Variants in UBR3 observed in about 807,000 individuals in gnomAD.
UBR3 encodes the protein ubiquitin protein ligase E3 component n-recognin 3.
A neutral mutation model predicts 243.2 loss-of-function variants in UBR3; 85 were observed. That is an observed-to-expected ratio of 0.35 (90% confidence interval 0.29 to 0.42). UBR3 has a LOEUF of 0.42. Among genes scored for constraint, UBR3 ranks in the 10% least tolerant of loss-of-function variants. UBR3 has a pLI of 1.00. For missense variants in UBR3, 1,686 were observed against 2,300.8 expected, an observed-to-expected ratio of 0.73 and a Z score of 5.47; for synonymous variants, 748 against 799.8, an observed-to-expected ratio of 0.94 and a Z score of 1.09.
intron 19 of UBR3, 34 bp from the exon 20 acceptor site, chr2:169,942,459 A>G (rs1162990730): frequency 4.0e-6 from 6 of 1,516,774 alleles, no homozygotes; most frequent in Admixed American, 2.3e-5. Flanking sequence ...TTTTGAGGCT[A>G]TCATCTAATT....
intron 25 of UBR3, among the ~76,000 whole-genome samples, chr2:169,990,153 T>A (rs544014755): frequency 2.0e-5 from 3 of 152,306 alleles, no homozygotes; most frequent in Admixed American, 6.5e-5. Context: ...AAGAAAAGTC[T>A]CATGCTTTTA....
At chr2:169,868,812 A>C (rs1228323803) in intron 1 of UBR3, among the ~76,000 whole-genome samples, 1 of 152,214 alleles carries the variant, frequency 6.6e-6, no homozygotes, top group Non-Finnish European at 1.5e-5. Context: ...TTTTTGAAAG[A>C]CTAAAATATG....
chr2:169,950,214 C>T (rs1193249754), intron 23 of UBR3, 149 bp downstream of exon 23: 1 of 747,110 alleles, frequency 1.3e-6, no homozygotes, highest in African/African-American at 1.8e-5. Flanking sequence ...GGAGCATAGT[C>T]AGTGCTTGTA....
At chr2:170,012,491 A>G (rs1276661691) in intron 29 of UBR3, among the ~76,000 whole-genome samples, 2 of 152,182 alleles carry the variant, frequency 1.3e-5, no homozygotes, top group African/African-American at 4.8e-5. Context: ...ATAACAGAAT[A>G]TAATTTGTTT....
At chr2:169,957,293 T>C (rs2087345944) in intron 23 of UBR3, among the ~76,000 whole-genome samples, 1 of 151,738 alleles carries the variant, frequency 6.6e-6, no homozygotes, top group African/African-American at 2.4e-5. Flanking sequence ...TGGCAACCAG[T>C]TGCAATTAAA....
chr2:170,032,580 CTTTTTTTTTTTT>C (rs6147023), intron 31 of UBR3, among the ~76,000 whole-genome samples: 1 of 20,438 alleles, frequency 4.9e-5, no homozygotes, highest in Non-Finnish European at 8.4e-5. Context: ...ATGACATTCA[CTTTTTTTTTTTT>C]TTTTTTTTTT....
At chr2:169,855,759 A>G (rs569043398) in intron 1 of UBR3, among the ~76,000 whole-genome samples, 1 of 152,198 alleles carries the variant, frequency 6.6e-6, no homozygotes, top group Non-Finnish European at 1.5e-5. Flanking sequence ...TTCCACACAG[A>G]CACAGTAACA....
rs139826823 is a variant in UBR3, at chr2:169,952,945, G to A, written c.3545+2880G>A. Among the ~76,000 whole-genome samples the A allele has an allele frequency of 2.9e-3, 439 of 152,106 alleles. 1 individual carries two copies. Among genetic ancestry groups the A allele is most frequent in the African/African-American group, 0.01 (416 of 41,516 alleles). On this transcript the variant is annotated intron_variant, in intron 23 of 38. Transcript: ENST00000272793. ...AAAATGAGGTAAGATTGTTATTTTT[G>A]TTAATTAGTGGTCTCTCTTAGTGGT...
At chr2:169,967,112 A>C (rs1247979410) in intron 24 of UBR3, among the ~76,000 whole-genome samples, 1 of 152,198 alleles carries the variant, frequency 6.6e-6, no homozygotes, top group Non-Finnish European at 1.5e-5. Flanking sequence ...GCCTAGGCTT[A>C]GAGAGATTAA....
At chr2:169,872,149 A>G (rs1206610645) in intron 1 of UBR3, 87 bp from the exon 2 acceptor site, 6 of 968,938 alleles carry the variant, frequency 6.2e-6, no homozygotes, top group East Asian at 2.9e-5. Flanking sequence ...ATTGGCCTAT[A>G]TTCCATTTAC....
intron 32 of UBR3, among the ~76,000 whole-genome samples, chr2:170,044,729 A>ACACTT (rs2091042895): frequency 6.6e-6 from 1 of 152,162 alleles, no homozygotes; most frequent in South Asian, 2.1e-4. Flanking sequence ...GGCAGGCCGG[A>ACACTT]CACTTCTACT....
chr2:169,978,957 C>G (rs1251963626), intron 24 of UBR3, among the ~76,000 whole-genome samples: 1 of 152,060 alleles, frequency 6.6e-6, no homozygotes, highest in Non-Finnish European at 1.5e-5. Context: ...AGGTATTGTA[C>G]TGTTAAGAGA....
chr2:170,057,354 G>C (rs1440054093), intron 33 of UBR3, among the ~76,000 whole-genome samples: 1 of 152,058 alleles, frequency 6.6e-6, no homozygotes, highest in East Asian at 1.9e-4. Context: ...CTGGACTCAA[G>C]GTAATCCACC....
intron 30 of UBR3, among the ~76,000 whole-genome samples, chr2:170,019,854 C>A (rs2090343321): frequency 6.6e-6 from 1 of 152,134 alleles, no homozygotes; most frequent in Non-Finnish European, 1.5e-5. Flanking sequence ...TAGTTCACTG[C>A]AGCCTCGAAC....
intron 16 of UBR3, 47 bp from the exon 17 acceptor site, chr2:169,927,272 TA>T (rs1187965398): frequency 6.8e-7 from 1 of 1,473,922 alleles, no homozygotes; most frequent in Non-Finnish European, 9.2e-7. Flanking sequence ...TTTTTCTTTA[TA>T]ATTTATGTAT....
intron 11 of UBR3, among the ~76,000 whole-genome samples, chr2:169,921,021 A>G (rs2085676266): frequency 6.6e-6 from 1 of 152,230 alleles, no homozygotes; most frequent in African/African-American, 2.4e-5. Context: ...CAGTGTAGAC[A>G]GAAAGAAGAA....
intron 37 of UBR3, chr2:170,080,256 T>A (rs994739630): frequency 1.9e-5 from 11 of 579,396 alleles, no homozygotes; most frequent in Non-Finnish European, 3.0e-5. Context: ...TACTATCCCT[T>A]TAATGGTATG....
At chr2:170,060,583 T>C (rs553381128) in intron 33 of UBR3, among the ~76,000 whole-genome samples, 1 of 152,240 alleles carries the variant, frequency 6.6e-6, no homozygotes, top group East Asian at 1.9e-4. Context: ...TTTGGCTCTT[T>C]TCACATTGTA....
intron 26 of UBR3, among the ~76,000 whole-genome samples, chr2:169,997,534 T>C (rs1245579987): frequency 6.6e-6 from 1 of 151,938 alleles, no homozygotes; most frequent in Non-Finnish European, 1.5e-5. Flanking sequence ...GTCTAGTGAA[T>C]GGAGGCATGT....
Sources: gnomAD v4.1 joint callset for allele counts (sites outside exome capture counted in the v4.1 genomes callset) on GRCh38, gnomAD v4.1.1 for gene constraint, MANE v1.5 for transcripts, NCBI Gene and HGNC (gene_info 2026-07-23, HGNC 2026-07-21) for gene names.